The following CDC42BPA variants were observed in gnomAD, a reference collection of about 807,000 sequenced individuals.
CDC42BPA encodes serine/threonine-protein kinase MRCK alpha.
CDC42BPA carries 80 observed loss-of-function variants against 223.5 expected under a neutral mutation model. That is an observed-to-expected ratio of 0.36 (90% CI 0.30 to 0.43). CDC42BPA has a LOEUF of 0.43. Ranked by LOEUF, CDC42BPA falls within the 20% of genes least tolerant of loss-of-function variation. CDC42BPA has a pLI of 1.00. For synonymous variants in CDC42BPA, 694 were observed against 718.6 expected, an observed-to-expected ratio of 0.97 and a Z score of 0.55; for missense variants, 1,743 against 2,099.9, an observed-to-expected ratio of 0.83 and a Z score of 3.32.
chr1:227,091,506 T>A (rs1228105711), intron 16 of CDC42BPA, among the ~76,000 whole-genome samples: 2 of 152,170 alleles, frequency 1.3e-5, no homozygotes, highest in African/African-American at 4.8e-5. Context: ...TCACCAGAAG[T>A]AGATGCTGGC....
At chr1:227,121,861 T>A (rs1688728747) in intron 11 of CDC42BPA, among the ~76,000 whole-genome samples, 1 of 150,350 alleles carries the variant, frequency 6.7e-6, no homozygotes, top group African/African-American at 2.5e-5. Flanking sequence ...AGAGCTATGG[T>A]GTGATATCGG....
At chr1:227,024,667 G>C (rs1667930345) in intron 31 of CDC42BPA, among the ~76,000 whole-genome samples, 1 of 152,066 alleles carries the variant, frequency 6.6e-6, no homozygotes, top group African/African-American at 2.4e-5. Context: ...GATGAGTAAA[G>C]AAAGCAAGAT....
At chr1:227,205,281 AAAAT>A (rs1365566253) in intron 3 of CDC42BPA, among the ~76,000 whole-genome samples, 17,213 of 62,102 alleles carry the variant, frequency 0.28, 1,051 homozygotes, top group Middle Eastern at 0.4. Context: ...AAAAAAAAAA[AAAAT>A]ATATATATAT....
At chr1:227,139,838 C>T in intron 9 of CDC42BPA, 96 bp from the exon 10 acceptor site, 2 of 603,702 alleles carry the variant, frequency 3.3e-6, no homozygotes, top group Non-Finnish European at 5.0e-6. Context: ...ACTGACTCCA[C>T]ATTTATGGCA....
intron 17 of CDC42BPA, among the ~76,000 whole-genome samples, chr1:227,077,981 A>G (rs1429970101): frequency 6.6e-6 from 1 of 152,140 alleles, no homozygotes; most frequent in African/African-American, 2.4e-5. Context: ...GTTAAGAGCT[A>G]TTTGCCTAAT....
chr1:227,107,356 CA>C lies in CDC42BPA; in HGVS notation c.2001+4955del, dbSNP rs1411911176. The stretch of plus-strand genomic sequence containing the variant: ...CTGTTCGTGCTGCCTTATAGAAACA[CA>C]ACTGATTGCTATGTGTTGATCTTGC... On this transcript the variant is annotated intron_variant, in intron 14 of 36. Coordinates refer to ENST00000366766, the MANE Select transcript of CDC42BPA (RefSeq NM_001394014.1). Among the ~76,000 whole-genome samples the C allele has an allele frequency of 3.9e-5, 6 of 152,144 alleles. No homozygotes were observed. In the East Asian group the frequency reaches 1.2e-3, roughly 29 times the overall value.
intron 2 of CDC42BPA, among the ~76,000 whole-genome samples, chr1:227,231,902 A>T (rs550221113): frequency 6.6e-6 from 1 of 152,230 alleles, no homozygotes; most frequent in Non-Finnish European, 1.5e-5. Context: ...TCAGATGAGT[A>T]GATTGCAAAA....
chr1:227,234,660 C>G (rs1678654345), intron 2 of CDC42BPA: 1 of 152,250 alleles, frequency 6.6e-6, no homozygotes, highest in Admixed American at 6.5e-5. Flanking sequence ...AGACCCTATT[C>G]TATCCACCAC....
chr1:227,123,276 T>C (rs555848058), intron 11 of CDC42BPA, among the ~76,000 whole-genome samples: 1 of 152,320 alleles, frequency 6.6e-6, no homozygotes, highest in East Asian at 1.9e-4. Context: ...CACTCCAGCC[T>C]GGGTGACAGA....
chr1:227,173,418 A>G (rs1235562939), intron 5 of CDC42BPA, among the ~76,000 whole-genome samples: 1 of 152,180 alleles, frequency 6.6e-6, no homozygotes, highest in African/African-American at 2.4e-5. Context: ...GTCTTTGACT[A>G]CTAGACAATC....
intron 6 of CDC42BPA, among the ~76,000 whole-genome samples, chr1:227,148,429 T>C (rs765840904): frequency 9.9e-5 from 15 of 152,180 alleles, no homozygotes; most frequent in Non-Finnish European, 1.6e-4. Context: ...ATTCCTAAAG[T>C]AGAATACCAG....
intron 23 of CDC42BPA, among the ~76,000 whole-genome samples, chr1:227,042,573 A>G (rs1183849975): frequency 6.6e-6 from 1 of 152,114 alleles, no homozygotes; most frequent in Admixed American, 6.5e-5. Flanking sequence ...GAGGCCATCA[A>G]TCTTTAGGTA....
chr1:227,309,222 A>T (rs1444136729), intron 1 of CDC42BPA, among the ~76,000 whole-genome samples: 2 of 132,892 alleles, frequency 1.5e-5, no homozygotes, highest in Non-Finnish European at 3.3e-5. Context: ...AAAAAAAAAA[A>T]TAAGCAAGAA....
At chr1:227,089,481 G>C (rs1229235443) in intron 16 of CDC42BPA, among the ~76,000 whole-genome samples, 1 of 152,144 alleles carries the variant, frequency 6.6e-6, no homozygotes, top group Admixed American at 6.6e-5. Flanking sequence ...AATGGAAATA[G>C]AGATTCCAGA....
At chr1:227,256,948 G>GACACAGAC (rs1683154776) in intron 1 of CDC42BPA, among the ~76,000 whole-genome samples, 1 of 141,006 alleles carries the variant, frequency 7.1e-6, no homozygotes, top group African/African-American at 2.7e-5. Context: ...TATATATACA[G>GACACAGAC]ACACACACAC....
chr1:227,013,536 G>A (rs1558281826), intron 34 of CDC42BPA, among the ~76,000 whole-genome samples: 8 of 152,016 alleles, frequency 5.3e-5, no homozygotes, highest in Admixed American at 3.9e-4. Flanking sequence ...AGGTCTGAAA[G>A]AACTCTGGAA....
intron 2 of CDC42BPA, among the ~76,000 whole-genome samples, chr1:227,229,688 T>G (rs1485934224): frequency 6.6e-6 from 1 of 152,108 alleles, no homozygotes; most frequent in South Asian, 2.1e-4. Flanking sequence ...TATCTTCTGG[T>G]TTTTGCCTTC....
At chr1:227,152,836 A>T (rs1662030288) in intron 6 of CDC42BPA, among the ~76,000 whole-genome samples, 2 of 152,272 alleles carry the variant, frequency 1.3e-5, no homozygotes, top group South Asian at 4.1e-4. Context: ...CACTTAAAAC[A>T]TAAGGACGCA....
At chr1:227,161,097 A>G (rs1270263360) in intron 5 of CDC42BPA, among the ~76,000 whole-genome samples, 2 of 152,222 alleles carry the variant, frequency 1.3e-5, no homozygotes, top group Non-Finnish European at 2.9e-5. Context: ...ACACAAAGAA[A>G]TTGCTTCATA....
Sources: allele counts gnomAD v4.1 joint callset (sites outside exome capture counted in the v4.1 genomes callset), GRCh38; gene constraint gnomAD v4.1.1; transcripts MANE v1.5; gene names NCBI Gene and HGNC (gene_info 2026-07-23, HGNC 2026-07-21).